GIPR: variants seen among roughly 807,000 people sequenced by gnomAD.
GIPR encodes GIP-R.
Under a neutral mutation model 62.2 loss-of-function variants are expected in GIPR, and 74 were observed. The observed-to-expected ratio is 1.19, with a 90% confidence interval of 0.99 to 1.44. The LOEUF is 1.44. Ranked by LOEUF, GIPR falls within the 40% of genes most tolerant of loss-of-function variation. The pLI is 0.00. For missense variants in GIPR, 664 were observed against 611.8 expected (o/e 1.09, Z -0.90); for synonymous variants, 256 against 262.2 (o/e 0.98, Z 0.23).
In GIPR at chr19:45,682,662, G is replaced by A. The variant is rs1967309546; in HGVS notation, c.*727G>A. The A allele has an allele frequency of 6.6e-6, 1 of 151,328 alleles. No individual in the cohort carries two copies. Among genetic ancestry groups the A allele is most frequent in the Non-Finnish European group, 1.5e-5 (1 of 67,932 alleles). The allele number at this position is 151,328 out of a possible 1,614,324, so 9.4% of individuals were successfully genotyped here. ...TGCACCCTCCACCTCCCGAGTTCAA[G>A]CCTCCCGGGTAGCTGGGATTACAGG... On this transcript the variant is annotated 3_prime_UTR_variant, in exon 14 of 14. Coordinates refer to ENST00000590918, the MANE Select transcript of GIPR (RefSeq NM_000164.4).
chr19:45,671,914 G>T (rs1471300934), intron 4 of GIPR, among the ~76,000 whole-genome samples: 1 of 151,618 alleles, frequency 6.6e-6, no homozygotes, highest in Admixed American at 6.6e-5. Flanking sequence ...GAGCCACCGC[G>T]CCCGGCCACC....
intron 10 of GIPR, 53 bp downstream of exon 10, chr19:45,677,832 G>C (rs1018036305): frequency 6.3e-7 from 1 of 1,599,618 alleles, no homozygotes; most frequent in African/African-American, 1.3e-5. Context: ...CCCATTCTGG[G>C]AAGTGGGCTG....
Position 45,677,357 on chromosome 19 carries a change from C to A in GIPR, c.828C>A (p.Ile276=). 2 of 1,599,528 alleles carry A rather than the reference C, an allele frequency of 1.3e-6. No individual in the cohort carries two copies. Among genetic ancestry groups the A allele is most frequent in the South Asian group, 2.2e-5 (2 of 90,242 alleles). ...APALFVIPWV[I]VRYLYENTQC... is the part of the protein sequence containing the mutation. ...CGCTTTTCGTCATTCCCTGGGTGAT[C>A]GTCAGGTACCTGTACGAGAACACGC... is the stretch of plus-strand genomic sequence containing the variant. The change falls in exon 9 of 14, where the codon ATC becomes ATA. Residue 276 remains isoleucine (I), a synonymous_variant. Transcript: ENST00000590918.
Position 45,672,927 on chromosome 19 carries a change from GA to G in GIPR, c.359del (p.Asn120ThrfsTer35). Reference sequence around the variant, plus strand: ...TTTGGAGAGACCATACACAATGTGAGAACCCAGAGAAGAATGAGGCCTTTCT... The same window carrying G: ...TTTGGAGAGACCATACACAATGTGAGACCCAGAGAAGAATGAGGCCTTTCT... ...GLWRDHTQCENPEKNEAFLDQ... is the reference protein window; with the variant it reads ...GLWRDHTQCEXPEKNEAFLDQ... On this transcript the variant is annotated frameshift_variant, in exon 5 of 14. Coordinates refer to ENST00000590918, the MANE Select transcript of GIPR (RefSeq NM_000164.4). LOFTEE classifies it high-confidence loss of function. The G allele has an allele frequency of 6.2e-7, 1 of 1,609,818 alleles. No individual in the cohort carries two copies. Among genetic ancestry groups the G allele is most frequent in the East Asian group, 2.2e-5 (1 of 44,874 alleles).
intron 12 of GIPR, among the ~76,000 whole-genome samples, chr19:45,680,528 T>C (rs558138776): frequency 1.3e-5 from 2 of 152,096 alleles, no homozygotes; most frequent in African/African-American, 2.4e-5. Context: ...AGCCAGACCC[T>C]GTCTCAAAAA....
At position 45,678,170 on chromosome 19, in the gene GIPR, C is replaced by T; in HGVS notation, c.1096C>T (p.Arg366Trp). ...VFAPVTEEQA[R>W]GALRFAKLGF... ...TGCTCCCGTGACAGAGGAACAGGCCCGGGGCGCCCTGCGCTTCGCCAAGCT... is the reference window on the plus strand; with the variant it reads ...TGCTCCCGTGACAGAGGAACAGGCCTGGGGCGCCCTGCGCTTCGCCAAGCT... Residue 366 changes from arginine to tryptophan, a missense_variant, in exon 12 of 14, where the codon CGG becomes TGG. By Grantham distance (101) the Arg-to-Trp change is moderately radical. Transcript: ENST00000590918. The T allele has an allele frequency of 6.2e-7, 1 of 1,603,636 alleles. No individual in the cohort carries two copies. Among genetic ancestry groups the T allele is most frequent in the Non-Finnish European group, 8.5e-7 (1 of 1,175,938 alleles).
intron 7 of GIPR, among the ~76,000 whole-genome samples, chr19:45,675,677 A>G (rs1975811635): frequency 6.7e-6 from 1 of 149,484 alleles, no homozygotes; most frequent in Non-Finnish European, 1.5e-5. Flanking sequence ...CTTTTTGCCC[A>G]GGAGTTCAAG....
chr19:45,681,989 G>A lies in GIPR; in HGVS notation c.*54G>A, dbSNP rs1967273368. ...AGCATGGATTTATTGAGTGCCAACT[G>A]CGTGCCAGGCCCAGTACGGAGGACG... On this transcript the variant is annotated 3_prime_UTR_variant, in exon 14 of 14. Transcript: ENST00000590918. The A allele has an allele frequency of 7.0e-7, 1 of 1,418,554 alleles. No individual in the cohort carries two copies. Among genetic ancestry groups the A allele is most frequent in the African/African-American group, 1.4e-5 (1 of 70,484 alleles). The allele number at this position is 1,418,554 out of a possible 1,614,324, so 87.9% of individuals were successfully genotyped here.
intron 7 of GIPR, among the ~76,000 whole-genome samples, 200 bp from the exon 8 acceptor site, chr19:45,676,749 A>G (rs1361941993): frequency 6.6e-6 from 1 of 152,086 alleles, no homozygotes; most frequent in Non-Finnish European, 1.5e-5. Context: ...CCAATTGTTA[A>G]GGGGTTCAGA....
intron 3 of GIPR, 45 bp downstream of exon 3, chr19:45,670,779 GA>G: frequency 8.3e-7 from 1 of 1,202,998 alleles, no homozygotes; most frequent in Non-Finnish European, 1.2e-6. Context: ...CTGAGGCTGA[GA>G]GGGGTGGGCT....
chr19:45,671,178 A>AGAAGCACTTGGCCCACTGCGGT, intron 3 of GIPR, 107 bp from the exon 4 acceptor site: 2 of 760,260 alleles, frequency 2.6e-6, no homozygotes, highest in African/African-American at 3.4e-5. Context: ...TGGCCGGCGG[A>AGAAGCACTTGGCCCACTGCGGT]GAAGCACTTG....
Position 45,670,721 on chromosome 19 carries a change from G to T in GIPR, c.159G>T (p.Ala53=), listed in dbSNP as rs1290642149. 6.2e-7 allele frequency: 1 copy of T among 1,605,300 alleles called. No individual in the cohort carries two copies. The highest frequency in any genetic ancestry group is 1.3e-5 in the African/African-American group (1 of 74,894). The change falls in exon 3 of 14, where the codon GCG becomes GCT. Residue 53 remains alanine, a synonymous_variant. Transcript: ENST00000590918. ...RRECQETLAA[A]EPPSGLACNG... ...AGTGCCAGGAGACCTTGGCAGCCGCGGAACCGCCTTCAGGTGTGACCAGGA... is the reference window on the plus strand; with the variant it reads ...AGTGCCAGGAGACCTTGGCAGCCGCTGAACCGCCTTCAGGTGTGACCAGGA...
Position 45,682,643 on chromosome 19 carries a change from C to G in GIPR, c.*708C>G, listed in dbSNP as rs1219190857. ...TGGTGCAATTTCAGCTCACTGCACC[C>G]TCCACCTCCCGAGTTCAAGCCTCCC... On this transcript the variant is annotated 3_prime_UTR_variant, in exon 14 of 14. Coordinates refer to ENST00000590918, the MANE Select transcript of GIPR (RefSeq NM_000164.4). 1 of 151,502 alleles carries G rather than the reference C, an allele frequency of 6.6e-6. No homozygotes were observed. The highest frequency in any genetic ancestry group is 1.5e-5 in the Non-Finnish European group (1 of 67,952). The allele number at this position is 151,502 out of a possible 1,614,324, so 9.4% of individuals were successfully genotyped here.
chr19:45,674,526 G>C, intron 6 of GIPR, 156 bp from the exon 7 acceptor site: 1 of 705,692 alleles, frequency 1.4e-6, no homozygotes, highest in East Asian at 2.7e-5. Flanking sequence ...AGGATTGCTT[G>C]AGCTCAGGAG....
Position 45,677,261 on chromosome 19 carries a change from G to T in GIPR, c.794-62G>T, listed in dbSNP as rs969569416. 2.4e-5 allele frequency: 34 copies of T among 1,397,122 alleles called. No individual in the cohort carries two copies. The African/African-American group carries it at 4.4e-4, about 18-fold the overall frequency. 86.5% of individuals were successfully genotyped at this position (1,397,122 alleles called of 1,614,324 possible). On this transcript the variant is annotated intron_variant, in intron 8 of 13. Coordinates refer to ENST00000590918, the MANE Select transcript of GIPR (RefSeq NM_000164.4). ...GAATTCCGCGGGTCTTGGGCCTGGC[G>T]GGGCCCGTGAGCGCGCTGACAGCTG...
rs767928596 is a variant in GIPR at position 45,674,098 on chromosome 19, T to C, written c.409T>C (p.Leu137=). 1.9e-6 allele frequency: 3 copies of C among 1,612,582 alleles called. No individual in the cohort carries two copies. Among genetic ancestry groups the C allele is most frequent in the South Asian group, 2.2e-5 (2 of 91,042 alleles). Residue 137 remains leucine (L), a synonymous_variant, in exon 6 of 14, where the codon TTG becomes CTG. Transcript: ENST00000590918. The stretch of plus-strand genomic sequence containing the variant: ...GGACCAAAGGCTCATCTTGGAGCGG[T>C]TGCAGGTCATGTACACTGTCGGCTA... ...FLDQRLILER[L]QVMYTVGYSL... is the part of the protein sequence containing the mutation.
rs1006550792 is a variant in GIPR, at chr19:45,683,135, G to C, written c.*1200G>C. On this transcript the variant is annotated 3_prime_UTR_variant, in exon 14 of 14. Transcript: ENST00000590918. ...AAGATAGAGAGATTGGGTTCGGGTAGGGGGAGAACCACGTGTGCTCTTTGG... is the reference window on the plus strand; with the variant it reads ...AAGATAGAGAGATTGGGTTCGGGTACGGGGAGAACCACGTGTGCTCTTTGG... 6.5e-6 allele frequency: 1 copy of C among 152,766 alleles called. No homozygotes were observed. The highest frequency in any genetic ancestry group is 2.4e-5 in the African/African-American group (1 of 41,446). 9.5% of individuals were successfully genotyped at this position (152,766 alleles called of 1,614,324 possible).
Position 45,677,399 on chromosome 19 carries a change from TG to T in GIPR, c.854+20del, listed in dbSNP as rs1462893060. 3 of 1,035,490 alleles carry T rather than the reference TG, an allele frequency of 2.9e-6. No homozygotes were observed. The highest frequency in any genetic ancestry group is 3.4e-5 in the African/African-American group (2 of 58,136). 64.1% of individuals were successfully genotyped at this position (1,035,490 alleles called of 1,614,324 possible). Reference sequence around the variant, plus strand: ...AGAACACGCAGTGAGTTGCAGGGTCTGGGGCGGGGCGTGGGAGGTGGGCGGG... The same window carrying T: ...AGAACACGCAGTGAGTTGCAGGGTCTGGGCGGGGCGTGGGAGGTGGGCGGG... On this transcript the variant is annotated intron_variant, in intron 9 of 13. Coordinates refer to ENST00000590918, the MANE Select transcript of GIPR (RefSeq NM_000164.4).
intron 12 of GIPR, 74 bp from the exon 13 acceptor site, chr19:45,681,530 C>A: frequency 8.4e-7 from 1 of 1,184,664 alleles, no homozygotes; most frequent in Non-Finnish European, 1.3e-6. Context: ...AAACAAAAAA[C>A]GGGGAGGGAG....
Sources: gnomAD v4.1 joint callset for allele counts (sites outside exome capture counted in the v4.1 genomes callset) on GRCh38, gnomAD v4.1.1 for gene constraint, MANE v1.5 for transcripts, NCBI Gene and HGNC (gene_info 2026-07-23, HGNC 2026-07-21) for gene names.